MEGF11: variants seen among roughly 807,000 people sequenced by gnomAD.
MEGF11 encodes the protein multiple epidermal growth factor-like domains protein 11.
In MEGF11, 126 loss-of-function variants were observed where a neutral mutation model predicts 146.6. That is an observed-to-expected ratio of 0.86 (90% confidence interval 0.74 to 1.00). The LOEUF (loss-of-function observed/expected upper bound fraction) is 1.00, where lower values mean the gene tolerates loss of function less well. MEGF11 is among the 50% of genes least tolerant of loss of function. The probability of loss-of-function intolerance (pLI) is 0.00; values close to 1 mark genes in which losing one functional copy is unlikely to be tolerated. For missense variants in MEGF11, 1,509 were observed against 1,521.2 expected, an observed-to-expected ratio of 0.99 and a Z score of 0.13; for synonymous variants, 532 against 583.4, an observed-to-expected ratio of 0.91 and a Z score of 1.27.
rs551021865 is a variant in MEGF11, at chr15:66,227,244, G to A, written c.-9+26361C>T. On this transcript the variant is annotated intron_variant, in intron 1 of 25. Transcript: ENST00000395614. The stretch of plus-strand genomic sequence containing the variant: ...AGTCCCTGCTGTGCTGCTTACTGAC[G>A]GGATCATCCTGAGCCTCAGTTTCCT... Among the ~76,000 whole-genome samples, 13 of 152,112 alleles carry A rather than the reference G, an allele frequency of 8.5e-5. No homozygotes were observed. The South Asian group carries it at 2.3e-3, about 27-fold the overall frequency.
At chr15:66,220,456 C>T (rs962112207) in intron 1 of MEGF11, among the ~76,000 whole-genome samples, 1 of 150,726 alleles carries the variant, frequency 6.6e-6, no homozygotes, top group Non-Finnish European at 1.5e-5. Flanking sequence ...GAGAACAAAT[C>T]TGTGGTTGCC....
At chr15:66,042,112 T>C (rs1450951392) in intron 5 of MEGF11, among the ~76,000 whole-genome samples, 8 of 1,988 alleles carry the variant, frequency 4.0e-3, no homozygotes, top group Middle Eastern at 0.25. Flanking sequence ...TTTCCCTTTT[T>C]TTTTTTTTTT....
chr15:65,994,297 G>T (rs1479560628), intron 5 of MEGF11, among the ~76,000 whole-genome samples: 4 of 152,198 alleles, frequency 2.6e-5, no homozygotes, highest in African/African-American at 7.2e-5. Flanking sequence ...ATGCTTGTGG[G>T]GAGGCAGTCA....
Position 65,945,959 on chromosome 15 carries a change from G to T in MEGF11, c.1287+11588C>A, listed in dbSNP as rs28375013. 9.1e-3 allele frequency among the ~76,000 whole-genome samples: 1,393 copies of T among 152,306 alleles called. 23 individuals are homozygous for T. The highest frequency in any genetic ancestry group is 0.031 in the African/African-American group (1,303 of 41,566). On this transcript the variant is annotated intron_variant, in intron 10 of 25. Coordinates refer to ENST00000395614, the MANE Select transcript of MEGF11 (RefSeq NM_001385028.1). ...CTGGGGCTTTTTGGACCTTGTGCAA[G>T]GTGTTAACCTCTCTGTGTCTTAGTT...
chr15:66,097,976 A>G (rs1056562967), intron 4 of MEGF11, among the ~76,000 whole-genome samples: 1 of 152,152 alleles, frequency 6.6e-6, no homozygotes, highest in Non-Finnish European at 1.5e-5. Flanking sequence ...AAAGGGTTGG[A>G]TGACAGGATC....
At chr15:65,980,644 G>C in intron 7 of MEGF11, 134 bp downstream of exon 7, 1 of 1,239,142 alleles carries the variant, frequency 8.1e-7, no homozygotes. Context: ...AGTGATCTGC[G>C]GGCCTCGGCC....
intron 5 of MEGF11, among the ~76,000 whole-genome samples, chr15:66,089,338 C>A (rs1014963144): frequency 1.3e-5 from 2 of 152,164 alleles, no homozygotes; most frequent in African/African-American, 2.4e-5. Flanking sequence ...ACAGTGTGTA[C>A]CGGGCTTTGA....
At chr15:65,924,056 AGAGAAAGAAAG>A (rs1347829980) in intron 13 of MEGF11, among the ~76,000 whole-genome samples, 2 of 152,152 alleles carry the variant, frequency 1.3e-5, no homozygotes, top group African/African-American at 4.8e-5. Context: ...ATTGTGGGAA[AGAGAAAGAAAG>A]GAGAAAGACA....
chr15:66,236,847 AGG>A (rs2092104288), intron 1 of MEGF11, among the ~76,000 whole-genome samples: 1 of 152,184 alleles, frequency 6.6e-6, no homozygotes, highest in African/African-American at 2.4e-5. Flanking sequence ...AAAGGGGCAG[AGG>A]AGCTGAGCCA....
At chr15:66,201,969 A>C (rs927366046) in intron 1 of MEGF11, among the ~76,000 whole-genome samples, 1 of 148,896 alleles carries the variant, frequency 6.7e-6, no homozygotes, top group Non-Finnish European at 1.5e-5. Flanking sequence ...AAAAAAAAAA[A>C]AAAAAACCTG....
intron 1 of MEGF11, among the ~76,000 whole-genome samples, chr15:66,156,105 A>C (rs919267564): frequency 1.3e-5 from 2 of 152,152 alleles, no homozygotes; most frequent in Non-Finnish European, 2.9e-5. Flanking sequence ...TGATCCCCTC[A>C]GCCAATGTGG....
At chr15:66,211,064 GC>G (rs1195140578) in intron 1 of MEGF11, among the ~76,000 whole-genome samples, 2 of 152,208 alleles carry the variant, frequency 1.3e-5, no homozygotes, top group Non-Finnish European at 2.9e-5. Context: ...GAAGAGAGGG[GC>G]TTTGGCCCTC....
intron 1 of MEGF11, among the ~76,000 whole-genome samples, chr15:66,214,943 G>A (rs1427043664): frequency 6.6e-6 from 1 of 152,120 alleles, no homozygotes; most frequent in Non-Finnish European, 1.5e-5. Flanking sequence ...AAAAGAAAAG[G>A]ATTGCTACCC....
chr15:65,989,678 C>A (rs1244863142), intron 5 of MEGF11, among the ~76,000 whole-genome samples: 7 of 152,226 alleles, frequency 4.6e-5, no homozygotes, highest in African/African-American at 1.7e-4. Flanking sequence ...CAGGCCTAAG[C>A]TGCAATTCTG....
In MEGF11 at chr15:65,898,475, G is replaced by A. The variant is rs538308503; in HGVS notation, c.3262+253C>T. 3.0e-6 allele frequency: 3 copies of A among 985,364 alleles called. No individual in the cohort carries two copies. In the East Asian group the frequency reaches 3.4e-4, roughly 112 times the overall value. The allele number at this position is 985,364 out of a possible 1,614,324, so 61.0% of individuals were successfully genotyped here. ...TGTGTGCGCGCGTGCACGTGCATGT[G>A]CCCATTTCCCACCCCCAGTATTTGT... is the stretch of plus-strand genomic sequence containing the variant. On this transcript the variant is annotated intron_variant, in intron 25 of 25. Transcript: ENST00000395614.
intron 4 of MEGF11, among the ~76,000 whole-genome samples, chr15:66,107,054 A>ACCC (rs35937464): frequency 0.022 from 2,913 of 132,220 alleles, 43 homozygotes; most frequent in African/African-American, 0.043. Flanking sequence ...TTATATTCCT[A>ACCC]CCCCCCCACC....
Position 66,201,924 on chromosome 15 carries a change from G to A in MEGF11, c.-9+51681C>T, listed in dbSNP as rs183732878. Among the ~76,000 whole-genome samples the A allele has an allele frequency of 1.4e-3, 183 of 129,372 alleles. 1 individual carries two copies. Among genetic ancestry groups the A allele is most frequent in the African/African-American group, 5.4e-3 (173 of 32,202 alleles). 84.9% of individuals were successfully genotyped at this position (129,372 alleles called of 152,430 possible). ...ATTGTGCCACTGCACTCCAGTCTGG[G>A]CGACAGAGCAAGACTCCATCTCAAA... On this transcript the variant is annotated intron_variant, in intron 1 of 25. Transcript: ENST00000395614.
At chr15:66,050,184 C>T (rs1009368068) in intron 5 of MEGF11, among the ~76,000 whole-genome samples, 3 of 152,180 alleles carry the variant, frequency 2.0e-5, no homozygotes, top group Non-Finnish European at 2.9e-5. Flanking sequence ...CTCAGCCTCC[C>T]GAGTAGCTGG....
intron 1 of MEGF11, among the ~76,000 whole-genome samples, chr15:66,232,312 A>G (rs1266445298): frequency 6.6e-6 from 1 of 151,064 alleles, no homozygotes; most frequent in Non-Finnish European, 1.5e-5. Flanking sequence ...TTCTCTCCCC[A>G]CTCCCAGTCC....
Sources: gnomAD v4.1 joint callset for allele counts (sites outside exome capture counted in the v4.1 genomes callset) on GRCh38, gnomAD v4.1.1 for gene constraint, MANE v1.5 for transcripts, NCBI Gene and HGNC (gene_info 2026-07-23, HGNC 2026-07-21) for gene names.